The following ZNF865 variants were observed in gnomAD, a reference collection of about 807,000 sequenced individuals.
ZNF865 encodes the protein zinc finger protein 865.
For synonymous variants in ZNF865, 763 were observed against 750.8 expected (o/e 1.02, Z -0.27); for missense variants, 1,311 against 1,593.4 (o/e 0.82, Z 3.02).
At position 55,616,674 on chromosome 19, in the gene ZNF865, GCTC is replaced by G. The variant is rs1981371860; in HGVS notation, c.3062_3064del (p.Ser1021del). 1 of 1,530,342 alleles carries G rather than the reference GCTC, an allele frequency of 6.5e-7. No homozygotes were observed. The highest frequency in any genetic ancestry group is 2.5e-5 in the East Asian group (1 of 40,620). The allele number at this position is 1,530,342 out of a possible 1,614,324, so 94.8% of individuals were successfully genotyped here. The stretch of plus-strand genomic sequence containing the variant: ...CACCAGGGCGGCCGGCCCTTCCGCT[GCTC>G]CTCCTGCGGCGAGGGCTTCGCCAAC... On this transcript the variant is annotated inframe_deletion, in exon 2 of 2. Coordinates refer to ENST00000568956, the MANE Select transcript of ZNF865 (RefSeq NM_001195605.2).
In ZNF865 at chr19:55,615,629, T is replaced by A; in HGVS notation, c.2011T>A (p.Cys671Ser). 1 of 1,534,456 alleles carries A rather than the reference T, an allele frequency of 6.5e-7. No homozygotes were observed. Among genetic ancestry groups the A allele is most frequent in the East Asian group, 2.4e-5 (1 of 40,836 alleles). Residue 671 changes from cysteine (C) to serine (S), a missense_variant, in exon 2 of 2, where the codon TGC (cysteine) becomes AGC (serine). Physicochemically the swap from Cys to Ser is moderately radical, Grantham distance 112. Coordinates refer to ENST00000568956, the MANE Select transcript of ZNF865 (RefSeq NM_001195605.2). ...AGPTDGLSYA[C>S]SDCGEHFPDL... is the part of the protein sequence containing the mutation. Reference sequence around the variant, plus strand: ...GCCCACCGATGGGCTGAGCTACGCCTGCTCGGACTGCGGCGAGCACTTCCC... The same window carrying A: ...GCCCACCGATGGGCTGAGCTACGCCAGCTCGGACTGCGGCGAGCACTTCCC...
chr19:55,607,859 C>T (rs903928431), intron 1 of ZNF865, among the ~76,000 whole-genome samples: 1 of 152,152 alleles, frequency 6.6e-6, no homozygotes, highest in African/African-American at 2.4e-5. Context: ...CAAATCACTC[C>T]CTCCTTTCCT....
At position 55,615,739 on chromosome 19, in the gene ZNF865, C is replaced by G; in HGVS notation, c.2121C>G (p.Gly707=). ...GCGACGCCTGCGGCAAGACCTTCGG[C>G]TTCATCGAGAACCTCATGTGGCACA... ...YGCDACGKTF[G]FIENLMWHKL... Residue 707 remains glycine (G), a synonymous_variant, in exon 2 of 2, where the codon GGC becomes GGG. Transcript: ENST00000568956. 6.5e-7 allele frequency: 1 copy of G among 1,533,588 alleles called. No individual in the cohort carries two copies. Among genetic ancestry groups the G allele is most frequent in the Non-Finnish European group, 8.7e-7 (1 of 1,145,832 alleles). 95.0% of individuals were successfully genotyped at this position (1,533,588 alleles called of 1,614,324 possible). A position where few individuals can be genotyped will look rare whatever the true frequency, so the allele number is the denominator to read the frequency against.
At position 55,613,252 on chromosome 19, in the gene ZNF865, G is replaced by A. The variant is rs116161155; in HGVS notation, c.-26-341G>A. ...CGTTTCTACAAATAATAGAGGGCCTGCAGGTGGTGTGGAGGAGAGGGTCCC... is the reference window on the plus strand; with the variant it reads ...CGTTTCTACAAATAATAGAGGGCCTACAGGTGGTGTGGAGGAGAGGGTCCC... On this transcript the variant is annotated intron_variant, in intron 1 of 1. Transcript: ENST00000568956. Among the ~76,000 whole-genome samples the A allele has an allele frequency of 5.4e-3, 820 of 152,274 alleles. 5 individuals carry two copies. The highest frequency in any genetic ancestry group is 0.019 in the African/African-American group (784 of 41,558).
At position 55,614,324 on chromosome 19, in the gene ZNF865, T is replaced by C; in HGVS notation, c.706T>C (p.Ser236Pro). Residue 236 changes from serine to proline, a missense_variant, in exon 2 of 2, where the codon TCC becomes CCC. Physicochemically the swap from Ser to Pro is moderately conservative, Grantham distance 74. Transcript: ENST00000568956. The surrounding 1 kb of genome is among the most constrained non-coding windows in gnomAD (Gnocchi z 8.0). ...CGVCQKSFKQ[S>P]SHLVQHMLVH... ...CGTGTGCCAGAAGTCCTTCAAGCAG[T>C]CCTCGCACCTGGTCCAGCACATGCT... 3 of 1,501,624 alleles carry C rather than the reference T, an allele frequency of 2.0e-6. No homozygotes were observed. Among genetic ancestry groups the C allele is most frequent in the African/African-American group, 1.4e-5 (1 of 69,702 alleles). 93.0% of individuals were successfully genotyped at this position (1,501,624 alleles called of 1,614,324 possible).
At position 55,611,396 on chromosome 19, in the gene ZNF865, T is replaced by C. The variant is rs987816096; in HGVS notation, c.-26-2197T>C. ...CCCTATTCCCTGCATCCTTATGGCC[T>C]GTGTTTGCCTCCCTGGCCAGTCAGC... On this transcript the variant is annotated intron_variant, in intron 1 of 1. Coordinates refer to ENST00000568956, the MANE Select transcript of ZNF865 (RefSeq NM_001195605.2). This position sits in a 1 kb window ranked among gnomAD's most constrained non-coding sequence, Gnocchi z 4.5. 1.7e-4 allele frequency among the ~76,000 whole-genome samples: 26 copies of C among 152,216 alleles called. 1 individual carries two copies. Among genetic ancestry groups the C allele is most frequent in the Non-Finnish European group, 3.7e-4 (25 of 67,990 alleles).
In ZNF865 at chr19:55,615,241, G is replaced by A. The variant is rs1445857015; in HGVS notation, c.1623G>A (p.Ser541=). 9.9e-6 allele frequency: 15 copies of A among 1,511,296 alleles called. No homozygotes were observed. The highest frequency in any genetic ancestry group is 2.6e-5 in the East Asian group (1 of 38,512). The allele number at this position is 1,511,296 out of a possible 1,614,324, so 93.6% of individuals were successfully genotyped here. A position where few individuals can be genotyped will look rare whatever the true frequency, so the allele number is the denominator to read the frequency against. ...CGGGGACCAGCGGGGCGGGAGGCTC[G>A]GGCGCCAGCGTCCCAGGAAAGACGT... ...GGAGTSGAGG[S]GASVPGKTFC... is the part of the protein sequence containing the mutation. Residue 541 remains serine (S), a synonymous_variant, in exon 2 of 2, where the codon TCG becomes TCA. Coordinates refer to ENST00000568956, the MANE Select transcript of ZNF865 (RefSeq NM_001195605.2).
chr19:55,607,911 C>T (rs1041127817), intron 1 of ZNF865, among the ~76,000 whole-genome samples: 6 of 152,274 alleles, frequency 3.9e-5, no homozygotes, highest in Admixed American at 2.0e-4. Context: ...TGTATCAAGC[C>T]AGGAACTGTT....
At chr19:55,612,157 G>T (rs986077498) in intron 1 of ZNF865, among the ~76,000 whole-genome samples, 1 of 152,182 alleles carries the variant, frequency 6.6e-6, no homozygotes, top group Non-Finnish European at 1.5e-5. Context: ...TGATGCATGT[G>T]TTTCATTATG....
At position 55,614,246 on chromosome 19, in the gene ZNF865, A is replaced by G; in HGVS notation, c.628A>G (p.Lys210Glu). The G allele has an allele frequency of 6.6e-7, 1 of 1,512,562 alleles. No individual in the cohort carries two copies. 93.7% of individuals were successfully genotyped at this position (1,512,562 alleles called of 1,614,324 possible). A position where few individuals can be genotyped will look rare whatever the true frequency, so the allele number is the denominator to read the frequency against. Reference protein sequence around the residue: ...AAACDPTKDDKGYFRRLKYLM... With the variant: ...AAACDPTKDDEGYFRRLKYLM... ...GGCCTGCGACCCCACCAAGGACGAC[A>G]AGGGCTACTTCCGGAGACTGAAGTA... Residue 210 changes from lysine (K) to glutamate (E), a missense_variant, in exon 2 of 2, where the codon AAG (lysine) becomes GAG (glutamate). Lys to Glu is a moderately conservative substitution (Grantham distance 56). Transcript: ENST00000568956. This position sits in a 1 kb window ranked among gnomAD's most constrained non-coding sequence, Gnocchi z 8.0.
At chr19:55,605,975 C>A (rs1179314345) in intron 1 of ZNF865, among the ~76,000 whole-genome samples, 2 of 152,124 alleles carry the variant, frequency 1.3e-5, no homozygotes, top group East Asian at 3.9e-4. Context: ...ATCCCCTAAA[C>A]GGCTGCCAGG....
At chr19:55,608,388 C>G (rs187099336) in intron 1 of ZNF865, among the ~76,000 whole-genome samples, 3 of 146,024 alleles carry the variant, frequency 2.1e-5, no homozygotes, top group Non-Finnish European at 4.5e-5. Context: ...GATCTTAGCT[C>G]GCTGCAACCT....
In ZNF865 at chr19:55,615,772, C is replaced by T. The variant is rs1047411879; in HGVS notation, c.2154C>T (p.Val718=). ...AGAACCTCATGTGGCACAAGCTGGT[C>T]CACCAGGCCGCCCCCGAGCGCCTGC... is the stretch of plus-strand genomic sequence containing the variant. ...FIENLMWHKL[V]HQAAPERLLP... Residue 718 remains valine (V), a synonymous_variant, in exon 2 of 2, where the codon GTC becomes GTT. Transcript: ENST00000568956. 193 of 1,526,116 alleles carry T rather than the reference C, an allele frequency of 1.3e-4. No homozygotes were observed. Among genetic ancestry groups the T allele is most frequent in the Non-Finnish European group, 1.6e-4 (185 of 1,142,378 alleles). 94.5% of individuals were successfully genotyped at this position (1,526,116 alleles called of 1,614,324 possible). A position where few individuals can be genotyped will look rare whatever the true frequency, so the allele number is the denominator to read the frequency against.
intron 1 of ZNF865, among the ~76,000 whole-genome samples, chr19:55,605,980 G>T (rs1459176902): frequency 6.6e-6 from 1 of 152,088 alleles, no homozygotes; most frequent in African/African-American, 2.4e-5. Context: ...CTAAACGGCT[G>T]CCAGGGCCCC....
chr19:55,616,420 C>T lies in ZNF865; in HGVS notation c.2802C>T (p.Cys934=), dbSNP rs1223347362. 11 of 1,511,142 alleles carry T rather than the reference C, an allele frequency of 7.3e-6. No homozygotes were observed. The highest frequency in any genetic ancestry group is 9.7e-6 in the Non-Finnish European group (11 of 1,135,612). The allele number at this position is 1,511,142 out of a possible 1,614,324, so 93.6% of individuals were successfully genotyped here. ...ACGCTGTGGCCCGGCCCCAGCGCTG[C>T]AGCGCCTGTGGCAAGACCTTCCGCT... ...RLHAVARPQR[C]SACGKTFRYR... Residue 934 remains cysteine, a synonymous_variant, in exon 2 of 2, where the codon TGC becomes TGT. Coordinates refer to ENST00000568956, the MANE Select transcript of ZNF865 (RefSeq NM_001195605.2).
rs1189794724 is a variant in ZNF865 at position 55,616,196 on chromosome 19, G to C, written c.2578G>C (p.Ala860Pro). 6.6e-7 allele frequency: 1 copy of C among 1,522,398 alleles called. No homozygotes were observed. Among genetic ancestry groups the C allele is most frequent in the African/African-American group, 1.4e-5 (1 of 72,002 alleles). 94.3% of individuals were successfully genotyped at this position (1,522,398 alleles called of 1,614,324 possible). ...GGTGTGCGGGAAGCGCTTCTGGGAG[G>C]CGGCCCTGCTGATGCGCCACCAGCG... ...CPVCGKRFWE[A>P]ALLMRHQRCH... is the part of the protein sequence containing the mutation. The change falls in exon 2 of 2, where the codon GCG (alanine) becomes CCG (proline). Residue 860 changes from alanine (A) to proline (P), a missense_variant. By Grantham distance (27) the Ala-to-Pro change is conservative (BLOSUM62 -1). Coordinates refer to ENST00000568956, the MANE Select transcript of ZNF865 (RefSeq NM_001195605.2).
At position 55,614,014 on chromosome 19, in the gene ZNF865, G is replaced by A. The variant is rs1981243255; in HGVS notation, c.396G>A (p.Ala132=). ...CGCCCCTGCCGCCCGCCTTCGGGGC[G>A]CCCCCTCCTCCCCTCTTTGACGCTG... ...PDPPLPPAFG[A]PPPPLFDAAF... The change falls in exon 2 of 2, where the codon GCG becomes GCA. Residue 132 remains alanine, a synonymous_variant. Transcript: ENST00000568956. This position sits in a 1 kb window ranked among gnomAD's most constrained non-coding sequence, Gnocchi z 8.0. 1 of 1,506,344 alleles carries A rather than the reference G, an allele frequency of 6.6e-7. No individual in the cohort carries two copies. The highest frequency in any genetic ancestry group is 8.8e-7 in the Non-Finnish European group (1 of 1,131,252). 93.3% of individuals were successfully genotyped at this position (1,506,344 alleles called of 1,614,324 possible). A position where few individuals can be genotyped will look rare whatever the true frequency, so the allele number is the denominator to read the frequency against.
intron 1 of ZNF865, among the ~76,000 whole-genome samples, chr19:55,612,112 G>A (rs972861231): frequency 2.0e-5 from 3 of 152,144 alleles, no homozygotes; most frequent in African/African-American, 7.2e-5. Context: ...TGTCATGGAT[G>A]GTACAAATAG....
intron 1 of ZNF865, among the ~76,000 whole-genome samples, chr19:55,607,466 G>C (rs1980985813): frequency 2.0e-5 from 3 of 150,706 alleles, no homozygotes; most frequent in East Asian, 3.9e-4. Flanking sequence ...AAAAAAAGCT[G>C]GGTGTGGTTG....
Sources: allele counts gnomAD v4.1 joint callset (sites outside exome capture counted in the v4.1 genomes callset), GRCh38; gene constraint gnomAD v4.1.1; non-coding constraint Gnocchi (gnomAD v3.1); transcripts MANE v1.5; gene names NCBI Gene and HGNC (gene_info 2026-07-23, HGNC 2026-07-21).